SERINC5: variants seen among roughly 807,000 people sequenced by gnomAD.
SERINC5 encodes the protein serine incorporator 5, also known as chromosome 5 open reading frame 12.
Under a neutral mutation model 63.1 loss-of-function variants are expected in SERINC5, and 41 were observed. The observed-to-expected ratio is 0.65, with a 90% CI of 0.51 to 0.84. SERINC5 has a LOEUF of 0.84. Among genes scored for constraint, SERINC5 ranks in the 40% least tolerant of loss-of-function variants. SERINC5 has a pLI of 0.00. For synonymous variants in SERINC5, 222 were observed against 215.2 expected, an observed-to-expected ratio of 1.03 and a Z score of -0.28; for missense variants, 523 against 573.0, an observed-to-expected ratio of 0.91 and a Z score of 0.89.
chr5:80,235,412 T>C (rs1751640737), intron 1 of SERINC5, among the ~76,000 whole-genome samples: 3 of 152,240 alleles, frequency 2.0e-5, no homozygotes, highest in Admixed American at 2.0e-4. Context: ...AGTTTACTTC[T>C]AATACAAGAA....
chr5:80,126,595 T>G (rs183266749), intron 11 of SERINC5, among the ~76,000 whole-genome samples: 125 of 152,334 alleles, frequency 8.2e-4, no homozygotes, highest in African/African-American at 2.7e-3. Context: ...CAACATACAT[T>G]TTCTTCTTCA....
intron 1 of SERINC5, among the ~76,000 whole-genome samples, chr5:80,214,060 CA>C (rs1490010676): frequency 3.9e-5 from 6 of 152,116 alleles, no homozygotes; most frequent in Non-Finnish European, 8.8e-5. Context: ...GATTTAAGAT[CA>C]GTTAAATTAC....
At chr5:80,135,623 A>G (rs954902838), downstream of SERINC5, among the ~76,000 whole-genome samples, 3 of 152,166 alleles carry the variant, frequency 2.0e-5, no homozygotes, top group Admixed American at 1.3e-4. Flanking sequence ...TGCTTCTGAT[A>G]GGTCAAGTAA....
intron 1 of SERINC5, among the ~76,000 whole-genome samples, chr5:80,230,280 G>A (rs2112562583): frequency 6.6e-6 from 1 of 152,066 alleles, no homozygotes; most frequent in Middle Eastern, 3.4e-3. Flanking sequence ...AGACCAGCCT[G>A]GCCAACATGG....
intron 9 of SERINC5, among the ~76,000 whole-genome samples, chr5:80,149,596 G>A (rs1746042512): frequency 6.6e-6 from 1 of 152,200 alleles, no homozygotes; most frequent in Admixed American, 6.5e-5. Context: ...TCAGCTCCTG[G>A]GCAGCAGTGG....
chr5:80,205,359 C>A (rs1750100481), intron 1 of SERINC5, among the ~76,000 whole-genome samples: 1 of 152,190 alleles, frequency 6.6e-6, no homozygotes, highest in Non-Finnish European at 1.5e-5. Context: ...TGACCATCAA[C>A]CCTAGACGGT....
intron 1 of SERINC5, among the ~76,000 whole-genome samples, chr5:80,237,151 T>A (rs1215869391): frequency 6.6e-6 from 1 of 151,976 alleles, no homozygotes; most frequent in African/African-American, 2.4e-5. Flanking sequence ...CTGGGCAGTA[T>A]CACTGCCTGC....
intron 1 of SERINC5, among the ~76,000 whole-genome samples, chr5:80,244,526 T>G (rs1025191609): frequency 6.6e-6 from 1 of 151,982 alleles, no homozygotes; most frequent in African/African-American, 2.4e-5. Flanking sequence ...TACTCTTTTT[T>G]TTATTTTTGG....
chr5:80,139,207 A>T lies in SERINC5; in HGVS notation c.*4456T>A, dbSNP rs1011036199. ...TTAAAAAATTAGCAAAGTTATATCTATAAAACTTTTGTAGTTTTCTTTTTG... is the reference window on the plus strand; with the variant it reads ...TTAAAAAATTAGCAAAGTTATATCTTTAAAACTTTTGTAGTTTTCTTTTTG... On this transcript the variant is annotated 3_prime_UTR_variant, in exon 12 of 12. Coordinates refer to ENST00000507668, the MANE Select transcript of SERINC5 (RefSeq NM_001174072.3). 4.1e-6 allele frequency: 4 copies of T among 979,360 alleles called. No homozygotes were observed. Among genetic ancestry groups the T allele is most frequent in the Non-Finnish European group, 4.9e-6 (4 of 824,376 alleles). 60.7% of individuals were successfully genotyped at this position (979,360 alleles called of 1,614,324 possible). A position where few individuals can be genotyped will look rare whatever the true frequency, so the allele number is the denominator to read the frequency against.
rs1464944264 is a variant in SERINC5, at chr5:80,168,346, C to T, written c.763+989G>A. Among the ~76,000 whole-genome samples the T allele has an allele frequency of 3.9e-5, 6 of 152,066 alleles. No homozygotes were observed. In the South Asian group the frequency reaches 1.2e-3, roughly 32 times the overall value. On this transcript the variant is annotated intron_variant, in intron 6 of 11. Transcript: ENST00000507668. The stretch of plus-strand genomic sequence containing the variant: ...CGGGTAGCTGGGAATACAGGCGTGT[C>T]CCACCATGGCTGGCTAATTTTCTGG...
intron 8 of SERINC5, chr5:80,158,514 C>T (rs1415022103): frequency 7.7e-6 from 2 of 259,478 alleles, no homozygotes; most frequent in Non-Finnish European, 1.5e-5. Context: ...TAGCAAACTA[C>T]TATTCGACCA....
rs745536478 is a variant in SERINC5, at chr5:80,141,082, A to G, written c.*2581T>C. The G allele has an allele frequency of 9.4e-5, 93 of 985,298 alleles. No individual in the cohort carries two copies. The highest frequency in any genetic ancestry group is 1.1e-4 in the Non-Finnish European group (90 of 829,894). 61.0% of individuals were successfully genotyped at this position (985,298 alleles called of 1,614,324 possible). ...AGGAATGTTGACTCCTCACCTGAGTATTGTATATCACAATTAATAACCATT... is the reference window on the plus strand; with the variant it reads ...AGGAATGTTGACTCCTCACCTGAGTGTTGTATATCACAATTAATAACCATT... On this transcript the variant is annotated 3_prime_UTR_variant, in exon 12 of 12. Transcript: ENST00000507668.
chr5:80,233,161 C>A (rs1342243956), intron 1 of SERINC5, among the ~76,000 whole-genome samples: 1 of 152,218 alleles, frequency 6.6e-6, no homozygotes, highest in African/African-American at 2.4e-5. Context: ...TGCAGTGGCT[C>A]ACGCCTGTAA....
chr5:80,147,872 CTTA>C (rs1745921929), intron 9 of SERINC5, among the ~76,000 whole-genome samples: 2 of 152,134 alleles, frequency 1.3e-5, no homozygotes, highest in East Asian at 1.9e-4. Flanking sequence ...TTGCATTGGG[CTTA>C]TTATTATCCT....
At chr5:80,173,043 A>AC (rs1017656253) in intron 5 of SERINC5, among the ~76,000 whole-genome samples, 3 of 151,460 alleles carry the variant, frequency 2.0e-5, no homozygotes, top group African/African-American at 7.3e-5. Flanking sequence ...TGATATTGAC[A>AC]CCCCCATTCC....
At chr5:80,255,604 A>G (rs1259906529) in intron 1 of SERINC5, among the ~76,000 whole-genome samples, 3 of 152,186 alleles carry the variant, frequency 2.0e-5, no homozygotes, top group Non-Finnish European at 4.4e-5. Flanking sequence ...ACGCCCCTGG[A>G]GCAGTCGGGA....
At chr5:80,184,537 T>G (rs1035827520) in intron 2 of SERINC5, among the ~76,000 whole-genome samples, 1 of 152,130 alleles carries the variant, frequency 6.6e-6, no homozygotes, top group Non-Finnish European at 1.5e-5. Context: ...ACACTGTATA[T>G]TCATCAAAAA....
At chr5:80,237,414 G>C (rs114539327) in intron 1 of SERINC5, among the ~76,000 whole-genome samples, 4,015 of 151,524 alleles carry the variant, frequency 0.026, 174 homozygotes, top group African/African-American at 0.092. Context: ...GCTCACTGCA[G>C]CTTCAACTTC....
intron 2 of SERINC5, among the ~76,000 whole-genome samples, chr5:80,197,305 C>CTG (rs1306316901): frequency 2.2e-5 from 3 of 139,368 alleles, no homozygotes; most frequent in Non-Finnish European, 3.1e-5. Context: ...AAGACTCCAT[C>CTG]TGTGAGAGAG....
Sources: gnomAD v4.1 joint callset for allele counts (sites outside exome capture counted in the v4.1 genomes callset) on GRCh38, gnomAD v4.1.1 for gene constraint, MANE v1.5 for transcripts, NCBI Gene and HGNC (gene_info 2026-07-23, HGNC 2026-07-21) for gene names.